Variants in EPHA5 observed in about 807,000 individuals in gnomAD.
The protein encoded by EPHA5 is ephrin type-A receptor 5.
Under a neutral mutation model 105.0 loss-of-function variants are expected in EPHA5, and 60 were observed. That is an observed-to-expected ratio of 0.57 (90% CI 0.46 to 0.71). The LOEUF (loss-of-function observed/expected upper bound fraction) is 0.71. Among genes scored for constraint, EPHA5 ranks in the 30% least tolerant of loss-of-function variants. The pLI is 0.00. For synonymous variants in EPHA5, 513 were observed against 449.1 expected (o/e 1.14, Z -1.80); for missense variants, 1,218 against 1,274.7 (o/e 0.96, Z 0.68).
At chr4:65,594,975 T>C (rs1368167299) in intron 3 of EPHA5, among the ~76,000 whole-genome samples, 2 of 152,080 alleles carry the variant, frequency 1.3e-5, no homozygotes, top group Non-Finnish European at 2.9e-5. Flanking sequence ...ATTTCTCAGA[T>C]TTTTATAAGC....
At chr4:65,374,667 T>C (rs956016826) in intron 8 of EPHA5, among the ~76,000 whole-genome samples, 4 of 151,928 alleles carry the variant, frequency 2.6e-5, no homozygotes, top group Non-Finnish European at 4.4e-5. Context: ...TTTTAATGTA[T>C]ATGTATCATA....
chr4:65,499,822 G>A (rs890274173), intron 3 of EPHA5, among the ~76,000 whole-genome samples: 6 of 134,960 alleles, frequency 4.4e-5, no homozygotes, highest in African/African-American at 1.0e-4. Context: ...ATAAATAAAT[G>A]TATAATCTTT....
At chr4:65,582,200 T>C (rs1560731191) in intron 3 of EPHA5, among the ~76,000 whole-genome samples, 1 of 151,728 alleles carries the variant, frequency 6.6e-6, no homozygotes. Context: ...TGTGATAAGA[T>C]AGATATGTAT....
chr4:65,478,472 T>C (rs1477359435), intron 5 of EPHA5, among the ~76,000 whole-genome samples: 1 of 152,154 alleles, frequency 6.6e-6, no homozygotes, highest in African/African-American at 2.4e-5. Flanking sequence ...TTTGATACTG[T>C]TATGCTCTTT....
chr4:65,414,840 T>C (rs1021188507), intron 6 of EPHA5, among the ~76,000 whole-genome samples: 4 of 152,174 alleles, frequency 2.6e-5, no homozygotes, highest in Admixed American at 6.5e-5. Context: ...ATACAGAAAG[T>C]TAACAACATC....
intron 5 of EPHA5, among the ~76,000 whole-genome samples, chr4:65,460,396 T>C (rs1728011006): frequency 6.6e-6 from 1 of 151,322 alleles, no homozygotes; most frequent in South Asian, 2.1e-4. Flanking sequence ...TTTAGTTTCC[T>C]TATGTCTCAG....
chr4:65,437,915 A>AT lies in EPHA5; in HGVS notation c.1403-17351dup, dbSNP rs935508453. The stretch of plus-strand genomic sequence containing the variant: ...TTTACATAGTTAAAATTTAAGCATC[A>AT]TTTTTTCTCTGTCCTATGGTGTCTT... On this transcript the variant is annotated intron_variant, in intron 5 of 16. Transcript: ENST00000613740. Among the ~76,000 whole-genome samples the AT allele has an allele frequency of 3.3e-5, 5 of 151,958 alleles. No individual in the cohort carries two copies. In the East Asian group the frequency reaches 5.8e-4, roughly 18 times the overall value.
intron 2 of EPHA5, among the ~76,000 whole-genome samples, chr4:65,607,314 C>A (rs528167304): frequency 6.6e-5 from 10 of 151,894 alleles, no homozygotes; most frequent in African/African-American, 2.4e-4. Flanking sequence ...GCAACAAAAG[C>A]CCCAAATTGA....
chr4:65,396,859 T>C (rs2148969671), intron 8 of EPHA5, among the ~76,000 whole-genome samples: 1 of 152,168 alleles, frequency 6.6e-6, no homozygotes, highest in Non-Finnish European at 1.5e-5. Flanking sequence ...CACCAGATAG[T>C]ACTTTAGAGA....
At chr4:65,348,840 G>A (rs1722544217) in intron 13 of EPHA5, among the ~76,000 whole-genome samples, 1 of 76,312 alleles carries the variant, frequency 1.3e-5, no homozygotes, top group African/African-American at 4.3e-5. Flanking sequence ...TTTTGAGACA[G>A]GGTCTCGCTC....
intron 3 of EPHA5, among the ~76,000 whole-genome samples, chr4:65,546,670 T>G (rs190033253): frequency 1.3e-5 from 2 of 152,148 alleles, no homozygotes; most frequent in Admixed American, 1.3e-4. Flanking sequence ...GTCTATGACA[T>G]TAAAGTCACA....
intron 3 of EPHA5, among the ~76,000 whole-genome samples, chr4:65,579,068 G>A (rs1246831979): frequency 4.0e-5 from 6 of 151,854 alleles, no homozygotes; most frequent in Non-Finnish European, 7.4e-5. Flanking sequence ...AATAAAAATA[G>A]CTATATGAAG....
intron 5 of EPHA5, among the ~76,000 whole-genome samples, chr4:65,439,364 C>T (rs1195216432): frequency 6.6e-6 from 1 of 152,084 alleles, no homozygotes; most frequent in Non-Finnish European, 1.5e-5. Flanking sequence ...TAATTCCTAA[C>T]ATAAAAGGTG....
intron 2 of EPHA5, among the ~76,000 whole-genome samples, chr4:65,608,819 G>T (rs1744487256): frequency 6.6e-6 from 1 of 152,054 alleles, no homozygotes. Flanking sequence ...CAAACAACTG[G>T]CATACTAATT....
intron 5 of EPHA5, among the ~76,000 whole-genome samples, chr4:65,468,558 A>T (rs949391135): frequency 1.6e-5 from 1 of 61,178 alleles, no homozygotes; most frequent in Non-Finnish European, 2.9e-5. Flanking sequence ...TAATATATAT[A>T]TTATATATTA....
In EPHA5 at chr4:65,477,941, T is replaced by TA. The variant is rs1396542749; in HGVS notation, c.1402+12435_1402+12436insT. 3.6e-4 allele frequency among the ~76,000 whole-genome samples: 55 copies of TA among 152,292 alleles called. 1 individual carries two copies. The highest frequency in any genetic ancestry group is 3.3e-3 in the Admixed American group (50 of 15,294). On this transcript the variant is annotated intron_variant, in intron 5 of 16. Transcript: ENST00000613740. ...CTTTTTTGGAAATGAGGTGAGTCTC[T>TA]GGCAAGACTCTAAAGTCATTGAACA...
intron 8 of EPHA5, among the ~76,000 whole-genome samples, chr4:65,387,807 T>G (rs1015097510): frequency 1.3e-5 from 2 of 151,892 alleles, no homozygotes; most frequent in African/African-American, 4.8e-5. Context: ...TCATTTTTTT[T>G]GTATGTCTCA....
Position 65,490,362 on chromosome 4 carries a change from G to A in EPHA5, c.1402+15C>T, listed in dbSNP as rs776480092. ...TAGGCCTCACATACACAATTGGGTT[G>A]GGCATGGCACTTACCTGCTTGATTT... On this transcript the variant is annotated intron_variant, in intron 5 of 16. Coordinates refer to ENST00000613740, the MANE Select transcript of EPHA5 (RefSeq NM_001281766.3). 4 of 1,607,754 alleles carry A rather than the reference G, an allele frequency of 2.5e-6. No homozygotes were observed. Among genetic ancestry groups the A allele is most frequent in the Non-Finnish European group, 3.4e-6 (4 of 1,175,192 alleles).
chr4:65,388,556 C>G (rs1453873357), intron 8 of EPHA5, among the ~76,000 whole-genome samples: 1 of 151,892 alleles, frequency 6.6e-6, no homozygotes, highest in African/African-American at 2.4e-5. Context: ...ATTTGCATTT[C>G]TCTGATGGCC....
Sources: gnomAD v4.1 joint callset for allele counts (sites outside exome capture counted in the v4.1 genomes callset) on GRCh38, gnomAD v4.1.1 for gene constraint, MANE v1.5 for transcripts, NCBI Gene and HGNC (gene_info 2026-07-23, HGNC 2026-07-21) for gene names.